USP49: variants seen among roughly 807,000 people sequenced by gnomAD.
USP49 encodes the protein ubiquitin carboxyl-terminal hydrolase 49.
USP49 carries 24 observed loss-of-function variants against 58.6 expected under a neutral mutation model. The ratio of observed to expected loss-of-function variants is 0.41; its 90% CI spans 0.30 to 0.58. The LOEUF (loss-of-function observed/expected upper bound fraction) is 0.58. Ranked by LOEUF, USP49 falls within the 20% of genes least tolerant of loss-of-function variation. The probability of loss-of-function intolerance (pLI) is 0.30; values close to 1 mark genes in which losing one functional copy is unlikely to be tolerated. For missense variants in USP49, 703 were observed against 866.1 expected, an observed-to-expected ratio of 0.81 and a Z score of 2.36; for synonymous variants, 408 against 365.1, an observed-to-expected ratio of 1.12 and a Z score of -1.34.
chr6:41,835,971 A>G (rs1165013066), intron 3 of USP49, among the ~76,000 whole-genome samples: 1 of 151,882 alleles, frequency 6.6e-6, no homozygotes, highest in Admixed American at 6.6e-5. Flanking sequence ...CTAGCTACTC[A>G]GGAGGCTGAG....
chr6:41,871,521 T>C (rs1400803461), intron 3 of USP49, 43 bp downstream of exon 3: 1 of 152,200 alleles, frequency 6.6e-6, no homozygotes, highest in East Asian at 1.9e-4. Flanking sequence ...TTATTATAAA[T>C]AGCTTTCATT....
rs1174187762 is a variant in USP49, at chr6:41,795,102, C to T, written c.*1431G>A. On this transcript the variant is annotated 3_prime_UTR_variant, in exon 8 of 8. Coordinates refer to ENST00000682992, the MANE Select transcript of USP49 (RefSeq NM_001286554.2). ...CTTCAAGTGACAACTGTACTTCTACCTGAATTCAAACATTAATATGATATA... is the reference window on the plus strand; with the variant it reads ...CTTCAAGTGACAACTGTACTTCTACTTGAATTCAAACATTAATATGATATA... The T allele has an allele frequency of 6.6e-6, 1 of 152,238 alleles. No homozygotes were observed. The highest frequency in any genetic ancestry group is 2.4e-5 in the African/African-American group (1 of 41,468). The allele number at this position is 152,238 out of a possible 1,614,324, so 9.4% of individuals were successfully genotyped here. A position where few individuals can be genotyped will look rare whatever the true frequency, so the allele number is the denominator to read the frequency against.
intron 3 of USP49, among the ~76,000 whole-genome samples, chr6:41,851,203 T>C (rs901774637): frequency 6.6e-6 from 1 of 152,178 alleles, no homozygotes; most frequent in African/African-American, 2.4e-5. Context: ...TAACTACAGA[T>C]GAATATTCTT....
rs75746803 is a variant in USP49 at position 41,805,988 on chromosome 6, C to G, written c.996G>C (p.Trp332Cys). 8.5e-4 allele frequency: 1,366 copies of G among 1,613,944 alleles called. 17 individuals are homozygous for G. In the East Asian group the frequency reaches 0.029, roughly 34 times the overall value. Reference protein sequence around the residue: ...AEACEREGFCWNGRASISRSL... With the variant: ...AEACEREGFCCNGRASISRSL... Reference sequence around the variant, plus strand: ...TCCGACTAATGGAGGCCCTGCCGTTCCAGCAGAAGCCCTCCCGCTCGCATG... The same window carrying G: ...TCCGACTAATGGAGGCCCTGCCGTTGCAGCAGAAGCCCTCCCGCTCGCATG... The change falls in exon 4 of 8, where the codon TGG (tryptophan) becomes TGC (cysteine). Residue 332 changes from tryptophan to cysteine, a missense_variant. Physicochemically the swap from Trp to Cys is radical, Grantham distance 215. This residue lies in a region of USP49 where 97 missense variants were observed against 88.0 expected (regional missense o/e 1.10). Transcript: ENST00000682992.
chr6:41,861,264 A>G (rs1774217689), intron 3 of USP49, among the ~76,000 whole-genome samples: 1 of 151,976 alleles, frequency 6.6e-6, no homozygotes, highest in Non-Finnish European at 1.5e-5. Context: ...TAACATGGTG[A>G]AACCCTGTCT....
At chr6:41,858,029 T>C (rs1253631800) in intron 3 of USP49, among the ~76,000 whole-genome samples, 1 of 152,126 alleles carries the variant, frequency 6.6e-6, no homozygotes, top group Non-Finnish European at 1.5e-5. Context: ...AAATGGGGTG[T>C]GTGTGTGTGT....
rs1035975004 is a variant in USP49, at chr6:41,790,140, A to G, written c.*6393T>C. 1.3e-5 allele frequency: 2 copies of G among 152,146 alleles called. No individual in the cohort carries two copies. Among genetic ancestry groups the G allele is most frequent in the African/African-American group, 2.4e-5 (1 of 41,428 alleles). 9.4% of individuals were successfully genotyped at this position (152,146 alleles called of 1,614,324 possible). On this transcript the variant is annotated 3_prime_UTR_variant, in exon 8 of 8. Coordinates refer to ENST00000682992, the MANE Select transcript of USP49 (RefSeq NM_001286554.2). ...CTTGAAGAATTTACATTGTTGAGCA[A>G]TATTAGGGGAAGAAGCCATTTGGTG...
At chr6:41,840,410 G>A (rs562532973) in intron 3 of USP49, among the ~76,000 whole-genome samples, 16 of 151,330 alleles carry the variant, frequency 1.1e-4, no homozygotes, top group African/African-American at 3.6e-4. Context: ...AAAATAAGAA[G>A]TGCTATAATA....
intron 2 of USP49, among the ~76,000 whole-genome samples, chr6:41,885,693 G>A (rs1179434301): frequency 6.6e-6 from 1 of 152,204 alleles, no homozygotes; most frequent in Non-Finnish European, 1.5e-5. Flanking sequence ...CAGCTACTGA[G>A]GAGGCTGAGG....
intron 3 of USP49, among the ~76,000 whole-genome samples, chr6:41,830,758 G>A (rs1311948223): frequency 1.3e-5 from 2 of 151,994 alleles, no homozygotes; most frequent in African/African-American, 4.8e-5. Flanking sequence ...GGGAGGTGGC[G>A]GTTGCAGTGA....
At chr6:41,826,647 G>GA (rs954867202) in intron 3 of USP49, among the ~76,000 whole-genome samples, 57 of 144,554 alleles carry the variant, frequency 3.9e-4, no homozygotes, top group African/African-American at 4.5e-4. Context: ...GTTGAAGTTA[G>GA]AAAAAAAAAA....
At chr6:41,825,019 T>C (rs146247767) in intron 3 of USP49, among the ~76,000 whole-genome samples, 1 of 152,308 alleles carries the variant, frequency 6.6e-6, no homozygotes, top group Non-Finnish European at 1.5e-5. Context: ...GACTGGGCCC[T>C]AACTTGTACA....
chr6:41,875,142 T>A (rs1358402722), intron 2 of USP49, among the ~76,000 whole-genome samples: 1 of 152,060 alleles, frequency 6.6e-6, no homozygotes, highest in South Asian at 2.1e-4. Context: ...AGATCTGTTA[T>A]CTTAAAAATA....
At chr6:41,829,503 G>A (rs1773599670) in intron 3 of USP49, among the ~76,000 whole-genome samples, 1 of 152,174 alleles carries the variant, frequency 6.6e-6, no homozygotes, top group East Asian at 1.9e-4. Flanking sequence ...AGTAGAGATG[G>A]GGTTTCTCCA....
intron 2 of USP49, among the ~76,000 whole-genome samples, chr6:41,878,465 A>G (rs2127362004): frequency 6.6e-6 from 1 of 152,296 alleles, no homozygotes; most frequent in East Asian, 1.9e-4. Context: ...GATAAATGCA[A>G]ATAAAAACAA....
chr6:41,838,590 A>C (rs1276135411), intron 3 of USP49, among the ~76,000 whole-genome samples: 1 of 152,204 alleles, frequency 6.6e-6, no homozygotes, highest in Non-Finnish European at 1.5e-5. Context: ...ACATCAAGGG[A>C]TCACTCTGTG....
intron 3 of USP49, among the ~76,000 whole-genome samples, chr6:41,870,565 C>G (rs1013993583): frequency 2.6e-5 from 4 of 151,948 alleles, no homozygotes; most frequent in Admixed American, 2.0e-4. Flanking sequence ...TTAAGAAGGT[C>G]TTGCTCTGTT....
At chr6:41,845,453 G>A (rs537784598) in intron 3 of USP49, among the ~76,000 whole-genome samples, 1 of 152,102 alleles carries the variant, frequency 6.6e-6, no homozygotes, top group Non-Finnish European at 1.5e-5. Context: ...CCAGGAGGCG[G>A]AGGTTGTGGT....
At chr6:41,823,738 C>T (rs1773489506) in intron 3 of USP49, among the ~76,000 whole-genome samples, 1 of 152,156 alleles carries the variant, frequency 6.6e-6, no homozygotes, top group South Asian at 2.1e-4. Flanking sequence ...GATCTTCCTT[C>T]CCCTCATGGA....
Sources: gnomAD v4.1 joint callset for allele counts (sites outside exome capture counted in the v4.1 genomes callset) on GRCh38, gnomAD v4.1.1 for gene constraint, gnomAD v4.1.1 regional missense constraint, MANE v1.5 for transcripts, NCBI Gene and HGNC (gene_info 2026-07-23, HGNC 2026-07-21) for gene names.